KIF1B: variants seen among roughly 807,000 people sequenced by gnomAD.
KIF1B encodes the protein kinesin-like protein KIF1B.
Under a neutral mutation model 241.9 loss-of-function variants are expected in KIF1B, and 76 were observed. The observed-to-expected ratio is 0.31, with a 90% CI of 0.26 to 0.38. The LOEUF is 0.38. KIF1B is among the 10% of genes least tolerant of loss of function. The pLI is 1.00. For missense variants in KIF1B, 1,622 were observed against 2,271.4 expected, an observed-to-expected ratio of 0.71 and a Z score of 5.81; for synonymous variants, 750 against 796.7, an observed-to-expected ratio of 0.94 and a Z score of 0.99.
intron 5 of KIF1B, among the ~76,000 whole-genome samples, chr1:10,262,384 A>C (rs1042091368): frequency 2.6e-5 from 4 of 152,188 alleles, no homozygotes; most frequent in Non-Finnish European, 4.4e-5. Flanking sequence ...TCTTGGGCTC[A>C]AGCAATCTTG....
At chr1:10,289,864 A>C (rs1355781270) in intron 15 of KIF1B, among the ~76,000 whole-genome samples, 1 of 152,220 alleles carries the variant, frequency 6.6e-6, no homozygotes. Context: ...AGCCTGGATG[A>C]CAGAATGAGA....
chr1:10,288,492 G>T (rs545046564), intron 15 of KIF1B, among the ~76,000 whole-genome samples: 1 of 152,262 alleles, frequency 6.6e-6, no homozygotes, highest in South Asian at 2.1e-4. Context: ...TTGAGCCTCT[G>T]TGTGTGTTCT....
chr1:10,215,574 C>T (rs1266138125), intron 1 of KIF1B, among the ~76,000 whole-genome samples: 1 of 148,866 alleles, frequency 6.7e-6, no homozygotes, highest in African/African-American at 2.5e-5. Context: ...GAGACAGGCT[C>T]TTACTCTATT....
Position 10,378,168 on chromosome 1 carries a change from G to A in KIF1B, c.*1581G>A. The stretch of plus-strand genomic sequence containing the variant: ...GGATCCCAGGATTAAAACTAACCGT[G>A]ACCACTACTCCAAACAAAACACAAT... On this transcript the variant is annotated 3_prime_UTR_variant, in exon 49 of 49. Transcript: ENST00000676179. 1.7e-6 allele frequency: 1 copy of A among 605,414 alleles called. No homozygotes were observed. The highest frequency in any genetic ancestry group is 2.8e-5 in the East Asian group (1 of 36,360). The allele number at this position is 605,414 out of a possible 1,614,324, so 37.5% of individuals were successfully genotyped here.
chr1:10,293,706 A>G (rs1344965603), intron 17 of KIF1B, among the ~76,000 whole-genome samples: 1 of 152,146 alleles, frequency 6.6e-6, no homozygotes, highest in Admixed American at 6.6e-5. Flanking sequence ...AATTTTTATT[A>G]TAACAACTAG....
In KIF1B at chr1:10,365,239, A is replaced by C; in HGVS notation, c.4506A>C (p.Leu1502=). The change falls in exon 42 of 49, where the codon CTA becomes CTC. Residue 1502 remains leucine, a synonymous_variant. Coordinates refer to ENST00000676179, the MANE Select transcript of KIF1B (RefSeq NM_001365951.3). This position sits in a 1 kb window ranked among gnomAD's most constrained non-coding sequence, Gnocchi z 4.0. ...GGGAGCTGGAGAAGCTGGAGCTCCT[A>C]CATGAGGTATCCAGGGGCAGGGTTG... The part of the protein sequence containing the change: ...HQWELEKLEL[L]HEVEKTRHFL... The C allele has an allele frequency of 1.2e-6, 2 of 1,613,998 alleles. No homozygotes were observed. The highest frequency in any genetic ancestry group is 2.7e-5 in the African/African-American group (2 of 75,018).
At chr1:10,331,623 T>C (rs1039753980) in intron 27 of KIF1B, among the ~76,000 whole-genome samples, 4 of 152,238 alleles carry the variant, frequency 2.6e-5, no homozygotes, top group Admixed American at 1.3e-4. Context: ...AAATACCCAG[T>C]CTATCCTCCT....
intron 35 of KIF1B, among the ~76,000 whole-genome samples, chr1:10,347,493 T>C (rs553425489): frequency 6.6e-6 from 1 of 152,340 alleles, no homozygotes; most frequent in South Asian, 2.1e-4. Context: ...TCAATTGCCA[T>C]TGCACTTCTA....
At chr1:10,268,081 G>A in intron 6 of KIF1B, 71 bp from the exon 7 acceptor site, 1 of 925,592 alleles carries the variant, frequency 1.1e-6, no homozygotes, top group Non-Finnish European at 1.8e-6. Context: ...CTTATAATGT[G>A]GAGCCTGCTG....
chr1:10,339,711 G>C, intron 31 of KIF1B, 58 bp from the exon 32 acceptor site: 2 of 1,430,444 alleles, frequency 1.4e-6, no homozygotes, highest in East Asian at 2.3e-5. Context: ...TCTTGAAAGA[G>C]ATTCTGATAA....
intron 22 of KIF1B, chr1:10,308,501 CT>C: frequency 9.7e-7 from 1 of 1,032,022 alleles, no homozygotes. Flanking sequence ...TGAAGATTGT[CT>C]TTGAGTGTAA....
intron 14 of KIF1B, among the ~76,000 whole-genome samples, chr1:10,281,950 C>T (rs946684378): frequency 6.6e-6 from 1 of 152,166 alleles, no homozygotes; most frequent in Non-Finnish European, 1.5e-5. Flanking sequence ...AATCTGAAGA[C>T]ATTGTAGACT....
intron 1 of KIF1B, among the ~76,000 whole-genome samples, chr1:10,217,182 C>G (rs1646780226): frequency 6.6e-6 from 1 of 151,188 alleles, no homozygotes; most frequent in Non-Finnish European, 1.5e-5. Flanking sequence ...CCGTGTTGGC[C>G]AGGCTGGTCT....
rs77572584 is a variant in KIF1B at position 10,273,010 on chromosome 1, G to T, written c.865-4G>T. 1,882 of 1,546,170 alleles carry T rather than the reference G, an allele frequency of 1.2e-3. 44 individuals are homozygous for T. In the East Asian group the frequency reaches 0.039, roughly 32 times the overall value. On this transcript the variant is annotated splice_region_variant and splice_polypyrimidine_tract_variant and intron_variant, in intron 9 of 48. Coordinates refer to ENST00000676179, the MANE Select transcript of KIF1B (RefSeq NM_001365951.3). ...TTTTCTCCTTTAAATGCTTTCACCT[G>T]TAGGATAACTGCACTAGCAAGGTAC...
At chr1:10,323,273 C>T (rs1350156405) in intron 24 of KIF1B, among the ~76,000 whole-genome samples, 3 of 152,108 alleles carry the variant, frequency 2.0e-5, no homozygotes, top group African/African-American at 4.8e-5. Context: ...ATTTTGTGGT[C>T]GACCTTTTGT....
rs1638933723 is a variant in KIF1B at position 10,378,075 on chromosome 1, G to A, written c.*1488G>A. The A allele has an allele frequency of 4.4e-6, 2 of 457,652 alleles. No homozygotes were observed. Among genetic ancestry groups the A allele is most frequent in the Non-Finnish European group, 7.8e-6 (2 of 256,266 alleles). The allele number at this position is 457,652 out of a possible 1,614,324, so 28.3% of individuals were successfully genotyped here. On this transcript the variant is annotated 3_prime_UTR_variant, in exon 49 of 49. Transcript: ENST00000676179. ...CAGTTGTTTTCATTGATGCTTGTCAGGTTGAAGATGCTTTCAGTGATGCTC... is the reference window on the plus strand; with the variant it reads ...CAGTTGTTTTCATTGATGCTTGTCAAGTTGAAGATGCTTTCAGTGATGCTC...
Position 10,339,694 on chromosome 1 carries a change from A to T in KIF1B, c.3423-75A>T, listed in dbSNP as rs556069611. The T allele has an allele frequency of 2.0e-5, 24 of 1,212,016 alleles. 1 individual carries two copies. In the South Asian group the frequency reaches 2.9e-4, roughly 15 times the overall value. The allele number at this position is 1,212,016 out of a possible 1,614,324, so 75.1% of individuals were successfully genotyped here. A position where few individuals can be genotyped will look rare whatever the true frequency, so the allele number is the denominator to read the frequency against. On this transcript the variant is annotated intron_variant, in intron 31 of 48. Transcript: ENST00000676179. ...GAATGCTTCTTTCTGTAGGATCCAC[A>T]TTGGGCTCTTGAAAGAGATTCTGAT...
intron 2 of KIF1B, among the ~76,000 whole-genome samples, chr1:10,233,973 G>A (rs993721690): frequency 2.6e-5 from 4 of 152,006 alleles, no homozygotes; most frequent in Non-Finnish European, 5.9e-5. Flanking sequence ...TAAACTGGAG[G>A]TAATATTACA....
At chr1:10,323,620 C>T (rs1229356742) in intron 24 of KIF1B, among the ~76,000 whole-genome samples, 1 of 152,116 alleles carries the variant, frequency 6.6e-6, no homozygotes, top group Non-Finnish European at 1.5e-5. Context: ...AACCTTGTCC[C>T]CACCGTGCCT....
Sources: allele counts gnomAD v4.1 joint callset (sites outside exome capture counted in the v4.1 genomes callset), GRCh38; gene constraint gnomAD v4.1.1; non-coding constraint Gnocchi (gnomAD v3.1); transcripts MANE v1.5; gene names NCBI Gene and HGNC (gene_info 2026-07-23, HGNC 2026-07-21).